Variants in CEP20 observed in about 807,000 individuals in gnomAD.
CEP20 encodes the protein FGFR1OP N-terminal like.
CEP20 carries 18 observed loss-of-function variants against 20.0 expected under a neutral mutation model. The ratio of observed to expected loss-of-function variants is 0.90; its 90% CI spans 0.62 to 1.34. The LOEUF (loss-of-function observed/expected upper bound fraction) is 1.34. Ranked by LOEUF, CEP20 falls within the 40% of genes most tolerant of loss-of-function variation. The pLI is 0.00. For missense variants in CEP20, 215 were observed against 201.6 expected (o/e 1.07, Z -0.40); for synonymous variants, 77 against 73.7 (o/e 1.04, Z -0.23).
At chr16:15,886,640 C>T (rs1250138521) in intron 1 of CEP20, among the ~76,000 whole-genome samples, 2 of 152,150 alleles carry the variant, frequency 1.3e-5, no homozygotes, top group Non-Finnish European at 2.9e-5. Context: ...GCCTCAGTTG[C>T]CTTCTCTAAA....
chr16:15,867,545 C>T lies in CEP20; in HGVS notation c.449-29G>A, dbSNP rs777836717. 8.6e-6 allele frequency: 13 copies of T among 1,516,068 alleles called. No individual in the cohort carries two copies. In the South Asian group the frequency reaches 1.4e-4, roughly 17 times the overall value. The allele number at this position is 1,516,068 out of a possible 1,614,324, so 93.9% of individuals were successfully genotyped here. A position where few individuals can be genotyped will look rare whatever the true frequency, so the allele number is the denominator to read the frequency against. On this transcript the variant is annotated intron_variant, in intron 4 of 4. Coordinates refer to ENST00000255759, the MANE Select transcript of CEP20 (RefSeq NM_144600.4). ...AAATGCACAGAAACCAATGTTAATA[C>T]TTATCCCAAGTCAAAACACACAGAT...
chr16:15,868,653 C>T (rs72773951), intron 4 of CEP20, among the ~76,000 whole-genome samples: 10,139 of 152,158 alleles, frequency 0.067, 459 homozygotes, highest in East Asian at 0.22. Context: ...TGATTATACA[C>T]ACGCTTTATT....
intron 1 of CEP20, among the ~76,000 whole-genome samples, chr16:15,887,133 G>A (rs953760382): frequency 2.6e-5 from 4 of 151,908 alleles, no homozygotes; most frequent in African/African-American, 7.3e-5. Flanking sequence ...TTAAACTTCT[G>A]GGCTCAAGCG....
Position 15,870,852 on chromosome 16 carries a change from T to C in CEP20, c.448+2639A>G, listed in dbSNP as rs569961983. On this transcript the variant is annotated intron_variant, in intron 4 of 4. Transcript: ENST00000255759. The stretch of plus-strand genomic sequence containing the variant: ...ATGATTGTAATAATACTCTGGAATA[T>C]GAAACAAAGTTAAAAACGAGATCTA... Among the ~76,000 whole-genome samples the C allele has an allele frequency of 1.4e-4, 10 of 70,480 alleles. 1 individual carries two copies. The South Asian group carries it at 1.8e-3, about 13-fold the overall frequency. 46.2% of individuals were successfully genotyped at this position (70,480 alleles called of 152,430 possible). A position where few individuals can be genotyped will look rare whatever the true frequency, so the allele number is the denominator to read the frequency against.
At chr16:15,879,677 G>A in intron 3 of CEP20, 127 bp downstream of exon 3, 5 of 619,390 alleles carry the variant, frequency 8.1e-6, no homozygotes, top group Non-Finnish European at 1.4e-5. Context: ...TGCACACCCT[G>A]GATTTAGGAC....
intron 3 of CEP20, among the ~76,000 whole-genome samples, chr16:15,878,513 T>C (rs1041248707): frequency 6.6e-6 from 1 of 150,508 alleles, no homozygotes; most frequent in Admixed American, 6.6e-5. Context: ...TTTTTTTTTT[T>C]TGAGACAGGG....
intron 1 of CEP20, among the ~76,000 whole-genome samples, chr16:15,887,052 T>C (rs1198798902): frequency 6.6e-6 from 1 of 151,888 alleles, no homozygotes; most frequent in Non-Finnish European, 1.5e-5. Flanking sequence ...CAGGCCACTA[T>C]GCCCGGCTCT....
At chr16:15,867,744 G>A (rs1006500012) in intron 4 of CEP20, among the ~76,000 whole-genome samples, 2 of 152,050 alleles carry the variant, frequency 1.3e-5, no homozygotes, top group African/African-American at 4.8e-5. Context: ...AGGCCGAGGT[G>A]GGTGGATCAC....
chr16:15,882,671 A>C (rs2045127927), intron 2 of CEP20, among the ~76,000 whole-genome samples: 1 of 152,164 alleles, frequency 6.6e-6, no homozygotes, highest in Non-Finnish European at 1.5e-5. Context: ...TTAGATACAT[A>C]CATTTGTAAA....
At position 15,879,788 on chromosome 16, in the gene CEP20, T is replaced by TAA. The variant is rs1471609688; in HGVS notation, c.311+14_311+15dup. The TAA allele has an allele frequency of 4.0e-6, 6 of 1,494,690 alleles. No individual in the cohort carries two copies. Among genetic ancestry groups the TAA allele is most frequent in the South Asian group, 1.2e-5 (1 of 83,338 alleles). 92.6% of individuals were successfully genotyped at this position (1,494,690 alleles called of 1,614,324 possible). The stretch of plus-strand genomic sequence containing the variant: ...TCAATACAATATGTGGAAACTTCTT[T>TAA]AAAAAAATGTCTTACATTGTATTAT... On this transcript the variant is annotated intron_variant, in intron 3 of 4. Transcript: ENST00000255759.
At chr16:15,871,401 G>A (rs1201430815) in intron 4 of CEP20, among the ~76,000 whole-genome samples, 10 of 152,076 alleles carry the variant, frequency 6.6e-5, no homozygotes, top group Non-Finnish European at 4.4e-5. Context: ...CAAGAAGGAA[G>A]AAAGGAAAGT....
intron 2 of CEP20, 126 bp from the exon 3 acceptor site, chr16:15,880,014 CAAGACAGATCAAA>C: frequency 1.6e-6 from 1 of 620,256 alleles, no homozygotes; most frequent in Non-Finnish European, 2.8e-6. Flanking sequence ...CAACACACAC[CAAGACAGATCAAA>C]TTGCCTGTGA....
chr16:15,882,506 G>A (rs2151430023), intron 2 of CEP20, among the ~76,000 whole-genome samples: 1 of 150,712 alleles, frequency 6.6e-6, no homozygotes, highest in Middle Eastern at 3.4e-3. Context: ...CAGCCTGGGT[G>A]ACAGAGCAAG....
At chr16:15,867,586 C>T in intron 4 of CEP20, 70 bp from the exon 5 acceptor site, 1 of 994,944 alleles carries the variant, frequency 1.0e-6, no homozygotes, top group South Asian at 1.5e-5. Context: ...GACATAGCTA[C>T]AAATATCTTA....
At chr16:15,873,385 G>A (rs1434971639) in intron 4 of CEP20, 106 bp downstream of exon 4, 6 of 1,345,214 alleles carry the variant, frequency 4.5e-6, no homozygotes, top group Non-Finnish European at 6.0e-6. Context: ...GATATAAGCA[G>A]AATTAAACTA....
At chr16:15,873,388 T>G (rs1195131160) in intron 4 of CEP20, 103 bp downstream of exon 4, 43 of 1,376,250 alleles carry the variant, frequency 3.1e-5, no homozygotes, top group East Asian at 2.6e-4. Context: ...ATAAGCAGAA[T>G]TAAACTATGA....
Position 15,873,514 on chromosome 16 carries a change from T to G in CEP20, c.425A>C (p.Gln142Pro), listed in dbSNP as rs753297208. 2 of 1,612,444 alleles carry G rather than the reference T, an allele frequency of 1.2e-6. No individual in the cohort carries two copies. Residue 142 changes from glutamine to proline, a missense_variant, in exon 4 of 5, where the codon CAA becomes CCA. By Grantham distance (76) the Gln-to-Pro change is moderately conservative (BLOSUM62 -1). Coordinates refer to ENST00000255759, the MANE Select transcript of CEP20 (RefSeq NM_144600.4). ...LQPSDPSLGR[Q>P]PSRRKPMDDH... ...ACCCATTGGCTTTCTTCTACTAGGT[T>G]GTCTGCCAAGACTTGGGTCTGAAGG...
In CEP20 at chr16:15,884,197, C is replaced by T; in HGVS notation, c.37G>A (p.Asp13Asn). 6.2e-7 allele frequency: 1 copy of T among 1,602,914 alleles called. No homozygotes were observed. Among genetic ancestry groups the T allele is most frequent in the Non-Finnish European group, 8.5e-7 (1 of 1,172,430 alleles). The change falls in exon 2 of 5, where the codon GAC (aspartate) becomes AAC (asparagine). Residue 13 changes from aspartate to asparagine, a missense_variant. By Grantham distance (23) the Asp-to-Asn change is conservative. Coordinates refer to ENST00000255759, the MANE Select transcript of CEP20 (RefSeq NM_144600.4). ...TVAELKAVLKDTLEKKGVLGH... is the reference protein window; with the variant it reads ...TVAELKAVLKNTLEKKGVLGH... ...AATACCCCCTTTTTTTCCAAGGTGT[C>T]CTTTAAAACTGTTCGATATAAAATA... is the stretch of plus-strand genomic sequence containing the variant.
At chr16:15,888,534 G>T in intron 1 of CEP20, 24 bp downstream of exon 1, 1 of 1,614,104 alleles carries the variant, frequency 6.2e-7, no homozygotes, top group Non-Finnish European at 8.5e-7. Flanking sequence ...CTTCCCATGT[G>T]GAGGCCTCCC....
Sources: gnomAD v4.1 joint callset for allele counts (sites outside exome capture counted in the v4.1 genomes callset) on GRCh38, gnomAD v4.1.1 for gene constraint, MANE v1.5 for transcripts, NCBI Gene and HGNC (gene_info 2026-07-23, HGNC 2026-07-21) for gene names.